The following ZNF280C variants were observed in gnomAD, a reference collection of about 807,000 sequenced individuals.
The protein encoded by ZNF280C is suppressor of hairy wing homolog 3.
ZNF280C carries 14 observed loss-of-function variants against 53.6 expected under a neutral mutation model. That is an observed-to-expected ratio of 0.26 (90% CI 0.17 to 0.41). ZNF280C has a LOEUF of 0.41. Ranked by LOEUF, ZNF280C falls within the 10% of genes least tolerant of loss-of-function variation. The pLI is 1.00. For synonymous variants in ZNF280C, 203 were observed against 181.1 expected (o/e 1.12, Z -0.97); for missense variants, 416 against 547.1 (o/e 0.76, Z 2.39).
intron 1 of ZNF280C, among the ~76,000 whole-genome samples, chrX:130,265,160 T>C (rs1350525884): frequency 3.6e-5 from 4 of 112,150 alleles, no homozygotes; most frequent in African/African-American, 1.3e-4. Context: ...TCCTTATTCA[T>C]TTTCAACTTT....
intron 10 of ZNF280C, 144 bp from the exon 11 acceptor site, chrX:130,227,926 C>T (rs914222267): frequency 2.5e-6 from 1 of 408,064 alleles, no homozygotes; most frequent in Admixed American, 4.6e-5. Context: ...CTCTGTAATG[C>T]TGTTCCAAGG....
chrX:130,205,270 CAAAG>C (rs2031960005), intron 17 of ZNF280C, 23 bp downstream of exon 17: 1 of 1,143,188 alleles, frequency 8.7e-7, no homozygotes, highest in African/African-American at 1.8e-5. Context: ...ATCAGAAAAT[CAAAG>C]AAACACAATT....
chrX:130,245,929 C>G (rs1162330987), intron 3 of ZNF280C, among the ~76,000 whole-genome samples: 1 of 110,351 alleles, frequency 9.1e-6, no homozygotes, highest in Non-Finnish European at 1.9e-5. Context: ...GGACTACAGG[C>G]ACGCGCCACC....
In ZNF280C at chrX:130,244,812, ATC is replaced by A. The variant is rs1276726647; in HGVS notation, c.179-949_179-948del. Among the ~76,000 whole-genome samples, 363 of 108,384 alleles carry A rather than the reference ATC, an allele frequency of 3.3e-3. 3 individuals carry two copies. Among genetic ancestry groups the A allele is most frequent in the African/African-American group, 0.012 (344 of 29,833 alleles). 94.1% of individuals were successfully genotyped at this position (108,384 alleles called of 115,157 possible). ...AAAAAAAAAAAAAAGAGAGAAAAGA[ATC>A]AGATCTCACAAAACAATTCTATTAA... On this transcript the variant is annotated intron_variant, in intron 3 of 18. Coordinates refer to ENST00000370978, the MANE Select transcript of ZNF280C (RefSeq NM_017666.5).
chrX:130,265,251 A>G (rs1391149640), intron 1 of ZNF280C, among the ~76,000 whole-genome samples: 2 of 111,993 alleles, frequency 1.8e-5, no homozygotes, highest in Admixed American at 9.5e-5. Context: ...CTAGCATAAT[A>G]CTTTGCAAAG....
chrX:130,232,242 C>A (rs2032285341), intron 8 of ZNF280C, among the ~76,000 whole-genome samples: 1 of 99,251 alleles, frequency 1.0e-5, no homozygotes, highest in Non-Finnish European at 2.0e-5. Context: ...ATCTAGAATG[C>A]CTAAATATCT....
At chrX:130,253,753 A>T (rs1260326610) in intron 2 of ZNF280C, among the ~76,000 whole-genome samples, 1 of 111,973 alleles carries the variant, frequency 8.9e-6, no homozygotes, top group African/African-American at 3.3e-5. Flanking sequence ...CATACACAAA[A>T]ATCAACTCAA....
At position 130,246,881 on chromosome X, in the gene ZNF280C, T is replaced by C. The variant is rs767123385; in HGVS notation, c.156A>G (p.Ser52=). 17 of 1,207,315 alleles carry C rather than the reference T, an allele frequency of 1.4e-5. No individual in the cohort carries two copies. The South Asian group carries it at 2.3e-4, about 17-fold the overall frequency. The change falls in exon 3 of 19, where the codon TCA becomes TCG. Residue 52 remains serine (S), a synonymous_variant. Transcript: ENST00000370978. ...DDELIFVGEI[S]SSKPAISNIL... ...TACTTGAAATGGCTGGTTTTGAACT[T>C]GATATCTCTCCAACAAAGATCAGTT...
At chrX:130,236,114 T>C (rs2032329221) in intron 8 of ZNF280C, 100 bp downstream of exon 8, 4 of 483,442 alleles carry the variant, frequency 8.3e-6, no homozygotes, top group Middle Eastern at 6.7e-4. Flanking sequence ...GTTTCTTCTC[T>C]AAATATCTGG....
intron 12 of ZNF280C, among the ~76,000 whole-genome samples, chrX:130,224,379 T>G (rs1159987776): frequency 9.0e-6 from 1 of 111,464 alleles, no homozygotes; most frequent in Admixed American, 9.6e-5. Flanking sequence ...AGCTTCCCAG[T>G]CAATGGTATA....
chrX:130,258,146 T>C, intron 2 of ZNF280C, among the ~76,000 whole-genome samples: 1 of 111,287 alleles, frequency 9.0e-6, no homozygotes, highest in Middle Eastern at 4.6e-3. Flanking sequence ...TAATAAATAA[T>C]AAAAATGGGA....
intron 2 of ZNF280C, among the ~76,000 whole-genome samples, chrX:130,255,087 CAT>C (rs988527617): frequency 2.8e-5 from 3 of 105,289 alleles, no homozygotes; most frequent in Admixed American, 1.0e-4. Context: ...ACAAAAAACA[CAT>C]ATATTAAACA....
chrX:130,208,205 C>A (rs1039176709), intron 16 of ZNF280C, among the ~76,000 whole-genome samples: 2 of 112,000 alleles, frequency 1.8e-5, no homozygotes, highest in African/African-American at 6.5e-5. Context: ...TCTTGGCTCA[C>A]TGCAACCTCC....
intron 13 of ZNF280C, among the ~76,000 whole-genome samples, chrX:130,219,944 T>C (rs1261711652): frequency 8.1e-5 from 9 of 110,973 alleles, no homozygotes; most frequent in Non-Finnish European, 1.3e-4. Context: ...AAACCTAAAA[T>C]TAAAGTCTTA....
intron 13 of ZNF280C, among the ~76,000 whole-genome samples, chrX:130,219,467 A>G (rs1468693714): frequency 1.2e-5 from 1 of 83,425 alleles, no homozygotes; most frequent in East Asian, 4.6e-4. Context: ...AGCCTGAGGG[A>G]TAGAGTGAGA....
chrX:130,214,054 C>T (rs1025595434), intron 15 of ZNF280C, among the ~76,000 whole-genome samples: 2 of 112,020 alleles, frequency 1.8e-5, no homozygotes, highest in Non-Finnish European at 1.9e-5. Context: ...CCCTCCTTGG[C>T]CTCTTAAAGT....
chrX:130,216,330 A>C (rs752996586), intron 13 of ZNF280C, among the ~76,000 whole-genome samples: 32 of 111,970 alleles, frequency 2.9e-4, no homozygotes, highest in Non-Finnish European at 5.3e-4. Context: ...AAATTATCTC[A>C]AAATGTATTA....
Position 130,224,032 on chromosome X carries a change from C to T in ZNF280C, c.1395+2727G>A, listed in dbSNP as rs890991678. Among the ~76,000 whole-genome samples the T allele has an allele frequency of 1.3e-4, 15 of 111,750 alleles. No individual in the cohort carries two copies. In the Admixed American group the frequency reaches 1.4e-3, roughly 11 times the overall value. On this transcript the variant is annotated intron_variant, in intron 12 of 18. Transcript: ENST00000370978. ...TACTCTTCAGGTACTCCAAACTTAA[C>T]AAAAAAATTCAGCACCTGAAATGGA...
chrX:130,252,131 A>G (rs907564740), intron 2 of ZNF280C, among the ~76,000 whole-genome samples: 2 of 112,063 alleles, frequency 1.8e-5, no homozygotes, highest in Non-Finnish European at 3.8e-5. Context: ...ATGAAAAACA[A>G]AAAACGAAAA....
Sources: gnomAD v4.1 joint callset for allele counts (sites outside exome capture counted in the v4.1 genomes callset) on GRCh38, gnomAD v4.1.1 for gene constraint, MANE v1.5 for transcripts, NCBI Gene and HGNC (gene_info 2026-07-23, HGNC 2026-07-21) for gene names.